Variants in SNX24 observed in about 807,000 individuals in gnomAD.
The protein encoded by SNX24 is sorting nexin-24.
A neutral mutation model predicts 28.7 loss-of-function variants in SNX24; 22 were observed. The observed-to-expected ratio is 0.77, with a 90% CI of 0.55 to 1.10. The LOEUF (loss-of-function observed/expected upper bound fraction) is 1.10, where lower values mean the gene tolerates loss of function less well. SNX24 is among the 50% of genes least tolerant of loss of function. SNX24 has a pLI of 0.00. For missense variants in SNX24, 221 were observed against 201.1 expected (o/e 1.10, Z -0.60); for synonymous variants, 69 against 71.5 (o/e 0.96, Z 0.18).
At chr5:122,922,589 T>C (rs1758484454) in intron 1 of SNX24, among the ~76,000 whole-genome samples, 1 of 152,078 alleles carries the variant, frequency 6.6e-6, no homozygotes, top group Non-Finnish European at 1.5e-5. Context: ...AACTTAAATT[T>C]AAAATAGCAA....
At chr5:122,939,867 G>A (rs910550031) in intron 2 of SNX24, among the ~76,000 whole-genome samples, 2 of 152,152 alleles carry the variant, frequency 1.3e-5, no homozygotes, top group Non-Finnish European at 2.9e-5. Flanking sequence ...CACACACACT[G>A]AAGTTACAAA....
rs150399735 is a variant in SNX24 at position 122,941,494 on chromosome 5, C to T, written c.145-4561C>T. 5.3e-5 allele frequency among the ~76,000 whole-genome samples: 8 copies of T among 152,268 alleles called. No homozygotes were observed. The East Asian group carries it at 9.6e-4, about 18-fold the overall frequency. The stretch of plus-strand genomic sequence containing the variant: ...TCAAACCAAGACATTGCAAGTTCTC[C>T]TTTTTCCATGTTAGCTCCCTTTCTT... On this transcript the variant is annotated intron_variant, in intron 2 of 6. Coordinates refer to ENST00000261369, the MANE Select transcript of SNX24 (RefSeq NM_014035.4).
At chr5:122,889,600 T>A (rs1756861521) in intron 1 of SNX24, among the ~76,000 whole-genome samples, 1 of 117,182 alleles carries the variant, frequency 8.5e-6, no homozygotes, top group Admixed American at 9.7e-5. Context: ...TATGTGTATA[T>A]ATATATACAC....
At chr5:122,962,960 ATGGTGG>A (rs1760548182) in intron 3 of SNX24, among the ~76,000 whole-genome samples, 1 of 152,172 alleles carries the variant, frequency 6.6e-6, no homozygotes, top group South Asian at 2.1e-4. Flanking sequence ...TAGGCTGGGC[ATGGTGG>A]CTCATGCCTG....
chr5:122,912,937 A>T (rs1179373438), intron 1 of SNX24, among the ~76,000 whole-genome samples: 3 of 151,986 alleles, frequency 2.0e-5, no homozygotes, highest in Non-Finnish European at 4.4e-5. Context: ...GCTGCCTTCA[A>T]GCATCTGTTT....
At chr5:122,883,972 A>C (rs560095196) in intron 1 of SNX24, among the ~76,000 whole-genome samples, 2 of 152,290 alleles carry the variant, frequency 1.3e-5, no homozygotes, top group African/African-American at 4.8e-5. Context: ...TGACTGTTAA[A>C]TTAGAACTTT....
intron 1 of SNX24, among the ~76,000 whole-genome samples, chr5:122,871,519 A>G (rs575953400): frequency 1.3e-5 from 2 of 152,222 alleles, no homozygotes; most frequent in African/African-American, 4.8e-5. Context: ...TGTAATCCCA[A>G]CACTTTGGGA....
intron 6 of SNX24, 169 bp downstream of exon 6, chr5:123,002,173 G>T: frequency 1.7e-6 from 1 of 603,130 alleles, no homozygotes; most frequent in South Asian, 2.1e-5. Context: ...AATTGGGGCT[G>T]GCCTTTCAGG....
intron 1 of SNX24, among the ~76,000 whole-genome samples, chr5:122,911,884 A>G (rs1256764089): frequency 6.7e-6 from 1 of 148,402 alleles, no homozygotes; most frequent in Non-Finnish European, 1.5e-5. Flanking sequence ...CTTGTAGTAT[A>G]GTTTGAAGTC....
chr5:122,920,487 C>A (rs1758385845), intron 1 of SNX24, among the ~76,000 whole-genome samples: 1 of 152,134 alleles, frequency 6.6e-6, no homozygotes, highest in Non-Finnish European at 1.5e-5. Flanking sequence ...GTTTATCCTG[C>A]ACAGTATATA....
chr5:122,986,419 A>G (rs1201357063), intron 3 of SNX24, among the ~76,000 whole-genome samples: 1 of 152,198 alleles, frequency 6.6e-6, no homozygotes, highest in Non-Finnish European at 1.5e-5. Flanking sequence ...GAGTTCAGAT[A>G]GAAAAGGAAG....
intron 5 of SNX24, among the ~76,000 whole-genome samples, chr5:123,020,141 A>G (rs796193005): frequency 2.0e-5 from 3 of 152,314 alleles, no homozygotes; most frequent in African/African-American, 7.2e-5. Context: ...AGTGGTGTCT[A>G]TGTGCTCTTG....
intron 3 of SNX24, among the ~76,000 whole-genome samples, chr5:122,991,233 T>C (rs941945929): frequency 1.3e-5 from 2 of 152,106 alleles, no homozygotes; most frequent in African/African-American, 4.8e-5. Flanking sequence ...ATTTTTTTTT[T>C]CCATCATCCA....
intron 1 of SNX24, among the ~76,000 whole-genome samples, chr5:122,922,037 A>T (rs1010234064): frequency 2.0e-4 from 30 of 152,172 alleles, no homozygotes; most frequent in Admixed American, 8.5e-4. Context: ...CTGATTCTAC[A>T]TTAAGAATGA....
intron 5 of SNX24, among the ~76,000 whole-genome samples, chr5:123,019,671 A>C (rs1256331194): frequency 6.6e-6 from 1 of 152,234 alleles, no homozygotes; most frequent in Non-Finnish European, 1.5e-5. Context: ...GATTAAAGTG[A>C]TTCAAGACTA....
intron 1 of SNX24, among the ~76,000 whole-genome samples, chr5:122,893,424 G>A (rs971024030): frequency 1.3e-5 from 2 of 152,030 alleles, no homozygotes; most frequent in Non-Finnish European, 2.9e-5. Context: ...CAAGATCTGC[G>A]TGGTAGGTGT....
chr5:122,883,322 T>G (rs1756561520), intron 1 of SNX24, among the ~76,000 whole-genome samples: 1 of 152,230 alleles, frequency 6.6e-6, no homozygotes, highest in Non-Finnish European at 1.5e-5. Context: ...ATGAGTTATA[T>G]TTCTGCATAT....
chr5:122,878,235 G>A (rs1756316700), intron 1 of SNX24, among the ~76,000 whole-genome samples: 1 of 152,160 alleles, frequency 6.6e-6, no homozygotes. Flanking sequence ...TCCCTTCCAA[G>A]TGTCTGGTTG....
downstream of SNX24, among the ~76,000 whole-genome samples, chr5:123,012,778 A>G (rs1326756477): frequency 2.0e-5 from 3 of 152,204 alleles, no homozygotes; most frequent in African/African-American, 7.2e-5. Flanking sequence ...TTTGGCACAC[A>G]TACCAGTTAC....
Sources: gnomAD v4.1 joint callset for allele counts (sites outside exome capture counted in the v4.1 genomes callset) on GRCh38, gnomAD v4.1.1 for gene constraint, MANE v1.5 for transcripts, NCBI Gene and HGNC (gene_info 2026-07-23, HGNC 2026-07-21) for gene names.